The following PREPL variants were observed in gnomAD, a reference collection of about 807,000 sequenced individuals.
The protein encoded by PREPL is prolyl endopeptidase like, also known as prolyl endopeptidase-like.
A neutral mutation model predicts 70.6 loss-of-function variants in PREPL; 77 were observed. That is an observed-to-expected ratio of 1.09 (90% CI 0.91 to 1.32). PREPL has a LOEUF of 1.32. PREPL is among the 40% of genes most tolerant of loss of function. PREPL has a pLI of 0.00. For synonymous variants in PREPL, 315 were observed against 264.8 expected (o/e 1.19, Z -1.84); for missense variants, 1,002 against 778.2 (o/e 1.29, Z -3.42).
In PREPL at chr2:44,320,226, T is replaced by A. The variant is rs1672809146; in HGVS notation, c.*1130A>T. On this transcript the variant is annotated 3_prime_UTR_variant, in exon 14 of 14. Coordinates refer to ENST00000409411, the MANE Select transcript of PREPL (RefSeq NM_001171613.2). ...CCAAAAGACTCAGCCCAGATCGGCT[T>A]TGAAGTTATATCAAGATTTAAGTCT... 6.2e-7 allele frequency: 1 copy of A among 1,613,850 alleles called. No homozygotes were observed. Among genetic ancestry groups the A allele is most frequent in the Admixed American group, 1.7e-5 (1 of 59,976 alleles).
At position 44,332,673 on chromosome 2, in the gene PREPL, G is replaced by C. The variant is rs374914236; in HGVS notation, c.889-17C>G. The C allele has an allele frequency of 1.9e-6, 3 of 1,573,976 alleles. No homozygotes were observed. The highest frequency in any genetic ancestry group is 1.7e-6 in the Non-Finnish European group (2 of 1,155,516). ...AGGAGGGAGCTAAAGAAATACAACA[G>C]CTATTTTTATTCTTTATTTAGGCCA... is the stretch of plus-strand genomic sequence containing the variant. On this transcript the variant is annotated splice_polypyrimidine_tract_variant and intron_variant, in intron 7 of 13. Coordinates refer to ENST00000409411, the MANE Select transcript of PREPL (RefSeq NM_001171613.2).
chr2:44,344,639 T>C (rs1190814115), intron 2 of PREPL, 53 bp from the exon 3 acceptor site: 3 of 1,325,764 alleles, frequency 2.3e-6, no homozygotes, highest in Non-Finnish European at 3.2e-6. Flanking sequence ...AACCTTTTCA[T>C]AGTCTGACTA....
At position 44,344,495 on chromosome 2, in the gene PREPL, C is replaced by T. The variant is rs200821132; in HGVS notation, c.142+25G>A. ...AATATGAAATCTGAAAATTAGAGCACGTAAAAAGAAAAATTGTGGTGTACC... is the reference window on the plus strand; with the variant it reads ...AATATGAAATCTGAAAATTAGAGCATGTAAAAAGAAAAATTGTGGTGTACC... On this transcript the variant is annotated intron_variant, in intron 3 of 13. Transcript: ENST00000409411. 966 of 1,498,888 alleles carry T rather than the reference C, an allele frequency of 6.4e-4. 10 individuals are homozygous for T. In the South Asian group the frequency reaches 0.012, roughly 18 times the overall value. The allele number at this position is 1,498,888 out of a possible 1,614,324, so 92.8% of individuals were successfully genotyped here.
chr2:44,354,406 GAA>G (rs1264964100), intron 1 of PREPL, among the ~76,000 whole-genome samples: 1 of 152,128 alleles, frequency 6.6e-6, no homozygotes, highest in East Asian at 1.9e-4. Flanking sequence ...GGGGAGACAG[GAA>G]AAGTTTAAAA....
intron 4 of PREPL, among the ~76,000 whole-genome samples, chr2:44,342,807 G>A (rs1175478785): frequency 2.0e-5 from 3 of 152,244 alleles, no homozygotes; most frequent in East Asian, 3.9e-4. Context: ...CTAAATAAGA[G>A]CTAAATGCTC....
intron 7 of PREPL, 142 bp from the exon 8 acceptor site, chr2:44,332,798 C>G: frequency 1.6e-6 from 1 of 629,678 alleles, no homozygotes; most frequent in Non-Finnish European, 2.7e-6. Context: ...TCAAGGATTA[C>G]TTTATCACAA....
chr2:44,342,941 T>G (rs140918549), intron 4 of PREPL, among the ~76,000 whole-genome samples: 2,534 of 152,306 alleles, frequency 0.017, 29 homozygotes, highest in Non-Finnish European at 0.021. Flanking sequence ...GTAAACCTTC[T>G]CTGTCTGCTT....
rs926556136 is a variant in PREPL, at chr2:44,342,572, T to C, written c.350-20A>G. ...CCCATTCTGAAAGAAAATAATGAGATAATTATACATAATCACCTACACTCC... is the reference window on the plus strand; with the variant it reads ...CCCATTCTGAAAGAAAATAATGAGACAATTATACATAATCACCTACACTCC... On this transcript the variant is annotated intron_variant, in intron 4 of 13. Transcript: ENST00000409411. 2 of 1,513,290 alleles carry C rather than the reference T, an allele frequency of 1.3e-6. No homozygotes were observed. The highest frequency in any genetic ancestry group is 3.0e-5 in the African/African-American group (2 of 67,704). 93.7% of individuals were successfully genotyped at this position (1,513,290 alleles called of 1,614,324 possible). A position where few individuals can be genotyped will look rare whatever the true frequency, so the allele number is the denominator to read the frequency against.
At position 44,321,175 on chromosome 2, in the gene PREPL, A is replaced by G; in HGVS notation, c.*181T>C. 5.1e-6 allele frequency: 3 copies of G among 592,980 alleles called. No homozygotes were observed. The highest frequency in any genetic ancestry group is 9.1e-6 in the Non-Finnish European group (3 of 330,690). 36.7% of individuals were successfully genotyped at this position (592,980 alleles called of 1,614,324 possible). ...CCTAGGTTAATGGGCATGTGCATCA[A>G]TGGAGAGAATAGTATAAGCAAGTGA... is the stretch of plus-strand genomic sequence containing the variant. On this transcript the variant is annotated 3_prime_UTR_variant, in exon 14 of 14. Coordinates refer to ENST00000409411, the MANE Select transcript of PREPL (RefSeq NM_001171613.2).
chr2:44,361,782 C>T, upstream of PREPL: 2 of 763,072 alleles, frequency 2.6e-6, no homozygotes, highest in East Asian at 3.4e-5. Flanking sequence ...TCCGCCCTCA[C>T]TCAAGATGGC....
chr2:44,321,273 TA>T lies in PREPL; in HGVS notation c.*82del. 1 of 1,172,634 alleles carries T rather than the reference TA, an allele frequency of 8.5e-7. No individual in the cohort carries two copies. 72.6% of individuals were successfully genotyped at this position (1,172,634 alleles called of 1,614,324 possible). A position where few individuals can be genotyped will look rare whatever the true frequency, so the allele number is the denominator to read the frequency against. On this transcript the variant is annotated 3_prime_UTR_variant, in exon 14 of 14. Coordinates refer to ENST00000409411, the MANE Select transcript of PREPL (RefSeq NM_001171613.2). ...TAATAACTTAAAAGTCTCAAGTTATTAATTTTTTTTTTGCTAACTCAATTGG... is the reference window on the plus strand; with the variant it reads ...TAATAACTTAAAAGTCTCAAGTTATTATTTTTTTTTTGCTAACTCAATTGG...
intron 3 of PREPL, 96 bp from the exon 4 acceptor site, chr2:44,344,047 G>T: frequency 7.2e-7 from 1 of 1,391,218 alleles, no homozygotes; most frequent in Non-Finnish European, 9.5e-7. Flanking sequence ...TTCCCATTCT[G>T]TAAGAGGCCA....
In PREPL at chr2:44,321,028, C is replaced by T. The variant is rs1672896272; in HGVS notation, c.*328G>A. The T allele has an allele frequency of 2.6e-6, 1 of 389,432 alleles. No homozygotes were observed. Among genetic ancestry groups the T allele is most frequent in the Non-Finnish European group, 4.7e-6 (1 of 213,098 alleles). The allele number at this position is 389,432 out of a possible 1,614,324, so 24.1% of individuals were successfully genotyped here. On this transcript the variant is annotated 3_prime_UTR_variant, in exon 14 of 14. Coordinates refer to ENST00000409411, the MANE Select transcript of PREPL (RefSeq NM_001171613.2). ...AGCATTTGCTAGCAAAGAGGCAGGA[C>T]ACTAATTTGTAAACTGCTCAACTGT...
Position 44,355,252 on chromosome 2 carries a change from T to A in PREPL, c.-49+6128A>T, listed in dbSNP as rs554648989. On this transcript the variant is annotated intron_variant, in intron 1 of 13. Coordinates refer to ENST00000409411, the MANE Select transcript of PREPL (RefSeq NM_001171613.2). ...TAGTCTTCCATTAAGATGTCTCAAA[T>A]AAAATGTAATCAGGGCCAGCTGCGG... is the stretch of plus-strand genomic sequence containing the variant. Among the ~76,000 whole-genome samples the A allele has an allele frequency of 3.3e-5, 5 of 152,264 alleles. No homozygotes were observed. In the East Asian group the frequency reaches 9.6e-4, roughly 29 times the overall value.
chr2:44,342,359 C>T, intron 5 of PREPL, 58 bp downstream of exon 5: 2 of 1,465,304 alleles, frequency 1.4e-6, no homozygotes, highest in East Asian at 2.3e-5. Flanking sequence ...AAAGTCAGTA[C>T]TTTAAATAAC....
intron 1 of PREPL, among the ~76,000 whole-genome samples, chr2:44,357,402 G>T (rs904900295): frequency 6.6e-6 from 1 of 152,258 alleles, no homozygotes; most frequent in South Asian, 2.1e-4. Context: ...ACAGCTGCCG[G>T]GGCATCTTTA....
At chr2:44,338,651 T>C (rs2103916982) in intron 6 of PREPL, 115 bp from the exon 7 acceptor site, 4 of 839,916 alleles carry the variant, frequency 4.8e-6, no homozygotes, top group East Asian at 5.2e-5. Flanking sequence ...TATGAAGAGC[T>C]GAAGGAACTA....
At position 44,320,929 on chromosome 2, in the gene PREPL, G is replaced by C; in HGVS notation, c.*427C>G. The C allele has an allele frequency of 6.9e-6, 3 of 434,596 alleles. 1 individual carries two copies. In the South Asian group the frequency reaches 7.7e-5, roughly 11 times the overall value. The allele number at this position is 434,596 out of a possible 1,614,324, so 26.9% of individuals were successfully genotyped here. A position where few individuals can be genotyped will look rare whatever the true frequency, so the allele number is the denominator to read the frequency against. On this transcript the variant is annotated 3_prime_UTR_variant, in exon 14 of 14. Transcript: ENST00000409411. ...TTCAAAAACTTTAACGAATTTTAAGGGGAAGAATTTTATCTTTTCCCTTAA... is the reference window on the plus strand; with the variant it reads ...TTCAAAAACTTTAACGAATTTTAAGCGGAAGAATTTTATCTTTTCCCTTAA...
rs772575204 is a variant in PREPL, at chr2:44,343,758, A to G, written c.336T>C (p.Asn112=). 1 of 1,613,592 alleles carries G rather than the reference A, an allele frequency of 6.2e-7. No individual in the cohort carries two copies. Among genetic ancestry groups the G allele is most frequent in the East Asian group, 2.2e-5 (1 of 44,874 alleles). Residue 112 remains asparagine (N), a synonymous_variant, in exon 4 of 14, where the codon AAT becomes AAC. Coordinates refer to ENST00000409411, the MANE Select transcript of PREPL (RefSeq NM_001171613.2). ...DQPVMEASFP[N]VSSFEWVKDE... is the part of the protein sequence containing the mutation. ...TTGGTGGCTTACCAAAACTGGACAC[A>G]TTCGGGAAAGAAGCTTCCATTACGG... is the stretch of plus-strand genomic sequence containing the variant.
Sources: allele counts gnomAD v4.1 joint callset (sites outside exome capture counted in the v4.1 genomes callset), GRCh38; gene constraint gnomAD v4.1.1; transcripts MANE v1.5; gene names NCBI Gene and HGNC (gene_info 2026-07-23, HGNC 2026-07-21).